IQCM: variants seen among roughly 807,000 people sequenced by gnomAD.
The protein encoded by IQCM is IQ domain-containing protein M.
In IQCM, 45 loss-of-function variants were observed where a neutral mutation model predicts 57.6. The observed-to-expected ratio is 0.78, with a 90% confidence interval of 0.62 to 1.00. The LOEUF is 1.00. Among genes scored for constraint, IQCM ranks in the 50% least tolerant of loss-of-function variants. The probability of loss-of-function intolerance (pLI) is 0.00; values close to 1 mark genes in which losing one functional copy is unlikely to be tolerated. For synonymous variants in IQCM, 148 were observed against 158.9 expected, an observed-to-expected ratio of 0.93 and a Z score of 0.51; for missense variants, 468 against 511.6, an observed-to-expected ratio of 0.91 and a Z score of 0.82.
intron 5 of IQCM, among the ~76,000 whole-genome samples, chr4:149,702,965 C>T (rs1380105258): frequency 3.3e-5 from 5 of 151,798 alleles, no homozygotes; most frequent in African/African-American, 1.2e-4. Flanking sequence ...GACAAGAAAT[C>T]AGAGTAATTC....
chr4:149,436,813 C>A (rs1156821660), intron 12 of IQCM, among the ~76,000 whole-genome samples: 1 of 152,086 alleles, frequency 6.6e-6, no homozygotes, highest in East Asian at 1.9e-4. Flanking sequence ...TTCCTTACCC[C>A]TACCTCACCA....
intron 2 of IQCM, among the ~76,000 whole-genome samples, chr4:149,797,496 A>G (rs1773213825): frequency 6.6e-6 from 1 of 152,124 alleles, no homozygotes; most frequent in African/African-American, 2.4e-5. Context: ...ATAGGGGTGG[A>G]AAGCTTATTC....
At chr4:149,638,304 A>T (rs958634010) in intron 7 of IQCM, among the ~76,000 whole-genome samples, 2 of 152,148 alleles carry the variant, frequency 1.3e-5, no homozygotes, top group African/African-American at 4.8e-5. Flanking sequence ...CAACTGAAAC[A>T]CTCATAGATG....
chr4:149,774,052 T>C (rs577739230), intron 2 of IQCM, among the ~76,000 whole-genome samples: 1 of 152,316 alleles, frequency 6.6e-6, no homozygotes, highest in South Asian at 2.1e-4. Context: ...TGTGCTTCTC[T>C]ATCGTGACTT....
intron 13 of IQCM, among the ~76,000 whole-genome samples, chr4:149,364,378 T>G (rs898051890): frequency 6.6e-6 from 1 of 152,162 alleles, no homozygotes; most frequent in African/African-American, 2.4e-5. Flanking sequence ...CTACTGATAC[T>G]GCTGAGTTTC....
rs185591487 is a variant in IQCM at position 149,717,112 on chromosome 4, G to A, written c.385+16132C>T. Reference sequence around the variant, plus strand: ...CAACAAATTGGTAAACTTAGGTAAGGTGTTTCCCTGCATTCTGTGAGCTGA... The same window carrying A: ...CAACAAATTGGTAAACTTAGGTAAGATGTTTCCCTGCATTCTGTGAGCTGA... On this transcript the variant is annotated intron_variant, in intron 5 of 13. Coordinates refer to ENST00000636793, the MANE Select transcript of IQCM (RefSeq NM_001363507.2). Among the ~76,000 whole-genome samples the A allele has an allele frequency of 7.9e-5, 12 of 152,290 alleles. No homozygotes were observed. The East Asian group carries it at 2.3e-3, about 29-fold the overall frequency.
intron 13 of IQCM, among the ~76,000 whole-genome samples, chr4:149,378,984 A>T (rs1730886851): frequency 6.6e-6 from 1 of 152,144 alleles, no homozygotes; most frequent in Non-Finnish European, 1.5e-5. Flanking sequence ...TCCAGCTGTG[A>T]CTAAAAGGGG....
At chr4:149,756,110 A>C (rs1050226108) in intron 2 of IQCM, among the ~76,000 whole-genome samples, 1 of 152,224 alleles carries the variant, frequency 6.6e-6, no homozygotes, top group African/African-American at 2.4e-5. Flanking sequence ...TTATTATAGC[A>C]TCTAGCTTTA....
chr4:149,403,304 A>C (rs925886035), intron 13 of IQCM, among the ~76,000 whole-genome samples: 5 of 151,984 alleles, frequency 3.3e-5, no homozygotes, highest in African/African-American at 1.2e-4. Flanking sequence ...AATTATGTCC[A>C]AAGCACTTAC....
chr4:149,787,170 T>C (rs1211192655), intron 2 of IQCM, among the ~76,000 whole-genome samples: 2 of 151,886 alleles, frequency 1.3e-5, no homozygotes, highest in East Asian at 3.9e-4. Context: ...TACTAGGGCC[T>C]GTTGGGGGAT....
rs183906465 is a variant in IQCM at position 149,695,632 on chromosome 4, A to T, written c.386-9164T>A. ...AAATTATAGTGTCAATATATTTTTAATATGAGAGAAACTTTAGTATGCTTA... is the reference window on the plus strand; with the variant it reads ...AAATTATAGTGTCAATATATTTTTATTATGAGAGAAACTTTAGTATGCTTA... On this transcript the variant is annotated intron_variant, in intron 5 of 13. Coordinates refer to ENST00000636793, the MANE Select transcript of IQCM (RefSeq NM_001363507.2). Among the ~76,000 whole-genome samples, 226 of 152,304 alleles carry T rather than the reference A, an allele frequency of 1.5e-3. 1 individual carries two copies. Among genetic ancestry groups the T allele is most frequent in the African/African-American group, 5.3e-3 (219 of 41,574 alleles).
At chr4:149,595,199 C>G (rs963534983) in intron 8 of IQCM, among the ~76,000 whole-genome samples, 1 of 152,116 alleles carries the variant, frequency 6.6e-6, no homozygotes, top group Non-Finnish European at 1.5e-5. Flanking sequence ...GATCCCTTTA[C>G]CATTATGTAA....
intron 12 of IQCM, among the ~76,000 whole-genome samples, chr4:149,521,426 A>T (rs1283206659): frequency 2.0e-5 from 3 of 151,944 alleles, no homozygotes; most frequent in Non-Finnish European, 2.9e-5. Flanking sequence ...CAATTTCCAT[A>T]AAAAAAATCA....
intron 7 of IQCM, among the ~76,000 whole-genome samples, chr4:149,657,315 G>A (rs974198072): frequency 2.0e-5 from 3 of 152,092 alleles, no homozygotes; most frequent in African/African-American, 7.2e-5. Context: ...ATGTCCTTGA[G>A]TTTCATTCAT....
chr4:149,617,325 G>A (rs925298426), intron 8 of IQCM, among the ~76,000 whole-genome samples: 2 of 152,152 alleles, frequency 1.3e-5, no homozygotes, highest in African/African-American at 4.8e-5. Flanking sequence ...TCCTGTTATA[G>A]GTGTTGGTAT....
chr4:149,540,159 T>C (rs1747706604), intron 12 of IQCM, among the ~76,000 whole-genome samples: 1 of 137,830 alleles, frequency 7.3e-6, no homozygotes, highest in Non-Finnish European at 1.7e-5. Context: ...AAAGGCCATG[T>C]GAGGACACAG....
intron 12 of IQCM, among the ~76,000 whole-genome samples, chr4:149,515,675 A>T (rs1384064887): frequency 6.6e-6 from 1 of 152,188 alleles, no homozygotes; most frequent in Non-Finnish European, 1.5e-5. Flanking sequence ...GATTGGAGAG[A>T]ACTCTGAGCA....
At chr4:149,381,710 T>C (rs764679909) in intron 13 of IQCM, among the ~76,000 whole-genome samples, 6 of 151,056 alleles carry the variant, frequency 4.0e-5, no homozygotes, top group Non-Finnish European at 7.4e-5. Context: ...CTTCTAGCTC[T>C]TTCCCCCATA....
At chr4:149,520,209 G>A (rs1344349183) in intron 12 of IQCM, among the ~76,000 whole-genome samples, 1 of 149,248 alleles carries the variant, frequency 6.7e-6, no homozygotes, top group African/African-American at 2.5e-5. Context: ...CCGTATATAA[G>A]GTGGGCACCA....
Sources: allele counts gnomAD v4.1 joint callset (sites outside exome capture counted in the v4.1 genomes callset), GRCh38; gene constraint gnomAD v4.1.1; transcripts MANE v1.5; gene names NCBI Gene and HGNC (gene_info 2026-07-23, HGNC 2026-07-21).